RNFT2: variants seen among roughly 807,000 people sequenced by gnomAD.
RNFT2 encodes ring finger protein, transmembrane 2, also known as E3 ubiquitin-protein ligase RNFT2.
Under a neutral mutation model 53.0 loss-of-function variants are expected in RNFT2, and 36 were observed. That is an observed-to-expected ratio of 0.68 (90% CI 0.52 to 0.90). The LOEUF is 0.90. RNFT2 is among the 40% of genes least tolerant of loss of function. The probability of loss-of-function intolerance (pLI) is 0.00; values close to 1 mark genes in which losing one functional copy is unlikely to be tolerated. For synonymous variants in RNFT2, 260 were observed against 253.2 expected, an observed-to-expected ratio of 1.03 and a Z score of -0.26; for missense variants, 514 against 585.6, an observed-to-expected ratio of 0.88 and a Z score of 1.26.
Position 116,853,205 on chromosome 12 carries a change from G to T in RNFT2, c.*3757G>T. ...GCAGCCAGGAGTCCCCGTTGGAAAAGAACAATGCCACTCTCTTTTATGTAT... is the reference window on the plus strand; with the variant it reads ...GCAGCCAGGAGTCCCCGTTGGAAAATAACAATGCCACTCTCTTTTATGTAT... On this transcript the variant is annotated 3_prime_UTR_variant, in exon 11 of 11. Transcript: ENST00000257575. The T allele has an allele frequency of 2.5e-6, 1 of 399,496 alleles. No homozygotes were observed. 24.7% of individuals were successfully genotyped at this position (399,496 alleles called of 1,614,324 possible).
chr12:116,763,536 AG>A (rs1872774468), intron 5 of RNFT2, among the ~76,000 whole-genome samples: 1 of 151,932 alleles, frequency 6.6e-6, no homozygotes, highest in Non-Finnish European at 1.5e-5. Flanking sequence ...TGGGAGGCTG[AG>A]GTGGGTGGAT....
At position 116,750,169 on chromosome 12, in the gene RNFT2, T is replaced by A; in HGVS notation, c.412T>A (p.Ser138Thr). 1.3e-6 allele frequency: 2 copies of A among 1,593,970 alleles called. No homozygotes were observed. The highest frequency in any genetic ancestry group is 1.7e-6 in the Non-Finnish European group (2 of 1,175,346). ...CGTGGGTGGGGACCACCGGGGGCAC[T>A]CGGAGGAGGGAGGCGACGAGCAGCC... ...QHVGGDHRGH[S>T]EEGGDEQPGT... The change falls in exon 4 of 11, where the codon TCG becomes ACG. Residue 138 changes from serine to threonine, a missense_variant. Around this residue, in one of 3 missense-constraint regions of RNFT2, gnomAD observed 237 missense variants for 235.1 expected, o/e 1.01. Transcript: ENST00000257575.
chr12:116,743,406 A>G (rs544035643), intron 3 of RNFT2, among the ~76,000 whole-genome samples: 2 of 151,786 alleles, frequency 1.3e-5, no homozygotes, highest in South Asian at 4.2e-4. Context: ...AGTTGGGACC[A>G]TAGGCACGCA....
chr12:116,830,933 AAG>A (rs1236292379), intron 7 of RNFT2, among the ~76,000 whole-genome samples: 1 of 151,726 alleles, frequency 6.6e-6, no homozygotes, highest in African/African-American at 2.4e-5. Context: ...GAGAGAGAGA[AAG>A]AGAGTATAGG....
At chr12:116,832,148 A>AAAAAATATATATATAT (rs1555209702) in intron 7 of RNFT2, among the ~76,000 whole-genome samples, 2 of 55,176 alleles carry the variant, frequency 3.6e-5, no homozygotes, top group African/African-American at 1.4e-4. Context: ...AAAAAAAAAA[A>AAAAAATATATATATAT]ATATATATAT....
At chr12:116,771,972 T>G (rs1381242659) in intron 6 of RNFT2, among the ~76,000 whole-genome samples, 2 of 152,236 alleles carry the variant, frequency 1.3e-5, no homozygotes, top group Admixed American at 6.5e-5. Flanking sequence ...CCTCCTGAGT[T>G]CCTTCAGGGC....
intron 3 of RNFT2, among the ~76,000 whole-genome samples, chr12:116,747,691 G>A (rs1871963036): frequency 6.6e-6 from 1 of 152,136 alleles, no homozygotes; most frequent in Non-Finnish European, 1.5e-5. Flanking sequence ...GGGGTCCAGA[G>A]GATGAATGAA....
chr12:116,833,661 T>C (rs1876804286), intron 7 of RNFT2, 131 bp from the exon 8 acceptor site: 3 of 889,812 alleles, frequency 3.4e-6, no homozygotes, highest in Non-Finnish European at 3.5e-6. Context: ...CTGGCCTGAG[T>C]GCTTTCCAGA....
chr12:116,767,671 C>T (rs1185473166), intron 6 of RNFT2, among the ~76,000 whole-genome samples: 1 of 152,142 alleles, frequency 6.6e-6, no homozygotes. Flanking sequence ...TCTCCGCCTC[C>T]CAGGTTCAAG....
At chr12:116,845,509 C>G (rs1204507228) in intron 10 of RNFT2, among the ~76,000 whole-genome samples, 1 of 152,120 alleles carries the variant, frequency 6.6e-6, no homozygotes, top group East Asian at 1.9e-4. Context: ...TGGGCATGCA[C>G]CCAGCTGGTC....
chr12:116,779,251 T>C lies in RNFT2; in HGVS notation c.785T>C (p.Ile262Thr), dbSNP rs1295766809. Reference protein sequence around the residue: ...EMLDFFDLLWIVGIADFVLKY... With the variant: ...EMLDFFDLLWTVGIADFVLKY... ...CTGGACTTCTTTGACCTGCTATGGATTGTGGGGATCGCAGACTTTGTTCTG... is the reference window on the plus strand; with the variant it reads ...CTGGACTTCTTTGACCTGCTATGGACTGTGGGGATCGCAGACTTTGTTCTG... Residue 262 changes from isoleucine (I) to threonine (T), a missense_variant, in exon 7 of 11, where the codon ATT (isoleucine) becomes ACT (threonine). Ile to Thr is a moderately conservative substitution (Grantham distance 89). This residue lies in a region of RNFT2 where 273 missense variants were observed against 334.4 expected (regional missense o/e 0.82). Transcript: ENST00000257575. 5.0e-6 allele frequency: 8 copies of C among 1,613,856 alleles called. No homozygotes were observed. The East Asian group carries it at 8.9e-5, about 18-fold the overall frequency.
chr12:116,836,146 C>T (rs2137206412), intron 9 of RNFT2, 35 bp from the exon 10 acceptor site: 8 of 1,590,892 alleles, frequency 5.0e-6, no homozygotes, highest in Non-Finnish European at 6.9e-6. Flanking sequence ...CCCAAGGGCG[C>T]CCATAGCTGT....
intron 3 of RNFT2, among the ~76,000 whole-genome samples, chr12:116,745,146 A>G (rs1378303354): frequency 1.3e-5 from 2 of 149,560 alleles, no homozygotes; most frequent in African/African-American, 4.9e-5. Flanking sequence ...GAGGGAATCC[A>G]ATCGTGAGTT....
intron 3 of RNFT2, 129 bp downstream of exon 3, chr12:116,741,223 T>A: frequency 1.4e-6 from 1 of 721,962 alleles, no homozygotes; most frequent in Non-Finnish European, 2.4e-6. Flanking sequence ...GGCCTCATAC[T>A]AAACATTCAA....
At chr12:116,771,860 G>A (rs4767449) in intron 6 of RNFT2, among the ~76,000 whole-genome samples, 144,927 of 152,238 alleles carry the variant, frequency 0.95, 69,025 homozygotes, top group African/African-American at 0.98. Context: ...GCACCTGGAA[G>A]TTCTTTTGAA....
intron 10 of RNFT2, among the ~76,000 whole-genome samples, chr12:116,841,832 TAAATATATATATAAATATATATAA>T (rs1877297714): frequency 5.4e-4 from 13 of 24,236 alleles, no homozygotes; most frequent in African/African-American, 2.5e-3. Context: ...TATATATATA[TAAATATATATATAAATATATATAA>T]AAATATATAT....
intron 10 of RNFT2, among the ~76,000 whole-genome samples, chr12:116,841,892 A>T (rs190718246): frequency 0.018 from 372 of 20,910 alleles, 16 homozygotes; most frequent in Non-Finnish European, 0.032. Flanking sequence ...AATATATATA[A>T]AAATATATAT....
intron 7 of RNFT2, among the ~76,000 whole-genome samples, chr12:116,785,440 C>T (rs1219548061): frequency 6.6e-6 from 1 of 152,056 alleles, no homozygotes. Context: ...CTGCTCAGTG[C>T]ACCACCAAGC....
chr12:116,793,756 G>A (rs1282319018), intron 7 of RNFT2, among the ~76,000 whole-genome samples: 1 of 152,062 alleles, frequency 6.6e-6, no homozygotes, highest in African/African-American at 2.4e-5. Flanking sequence ...CACCACCTCT[G>A]GAAAGTCCTT....
Sources: allele counts gnomAD v4.1 joint callset (sites outside exome capture counted in the v4.1 genomes callset), GRCh38; gene constraint gnomAD v4.1.1; regional missense constraint gnomAD v4.1.1; transcripts MANE v1.5; gene names NCBI Gene and HGNC (gene_info 2026-07-23, HGNC 2026-07-21).